The following SLC25A53 variants were observed in gnomAD, a reference collection of about 807,000 sequenced individuals.
SLC25A53 encodes the protein mitochondrial carrier triple repeat protein 6.
A neutral mutation model predicts 15.0 loss-of-function variants in SLC25A53; 5 were observed. The observed-to-expected ratio is 0.33, with a 90% confidence interval of 0.17 to 0.70. The LOEUF is 0.70. Among genes scored for constraint, SLC25A53 ranks in the 30% least tolerant of loss-of-function variants. The probability of loss-of-function intolerance (pLI) is 0.67; values close to 1 mark genes in which losing one functional copy is unlikely to be tolerated. For missense variants in SLC25A53, 216 were observed against 241.6 expected, an observed-to-expected ratio of 0.89 and a Z score of 0.70; for synonymous variants, 95 against 100.0, an observed-to-expected ratio of 0.95 and a Z score of 0.30.
intron 1 of SLC25A53, among the ~76,000 whole-genome samples, chrX:104,117,404 G>A (rs1023701557): frequency 2.2e-4 from 24 of 110,958 alleles, no homozygotes; most frequent in African/African-American, 7.6e-4. Context: ...CCCCTCCTCC[G>A]CATTCCATGA....
intron 1 of SLC25A53, among the ~76,000 whole-genome samples, chrX:104,148,931 T>C (rs1302164211): frequency 1.8e-5 from 2 of 112,812 alleles, no homozygotes. Flanking sequence ...ACACTTCTGT[T>C]AGTTTTAATC....
In SLC25A53 at chrX:104,102,289, G is replaced by A. The variant is rs1469248333; in HGVS notation, c.*2045C>T. On this transcript the variant is annotated 3_prime_UTR_variant, in exon 2 of 2. Coordinates refer to ENST00000594199, the MANE Select transcript of SLC25A53 (RefSeq NM_001012755.5). ...AGAGGAGGGCATTACTAAGATATCT[G>A]TAGGGGGAAACTATAACACATGTCA... 1.8e-5 allele frequency: 2 copies of A among 112,287 alleles called. No homozygotes were observed. Among genetic ancestry groups the A allele is most frequent in the Admixed American group, 9.4e-5 (1 of 10,601 alleles). The allele number at this position is 112,287 out of a possible 1,213,427, so 9.3% of individuals were successfully genotyped here. A position where few individuals can be genotyped will look rare whatever the true frequency, so the allele number is the denominator to read the frequency against.
chrX:104,131,882 C>G (rs1385527727), intron 1 of SLC25A53, among the ~76,000 whole-genome samples: 1 of 111,705 alleles, frequency 9.0e-6, no homozygotes, highest in African/African-American at 3.3e-5. Flanking sequence ...ACAGCCAAAG[C>G]TTAATTCGTC....
intron 1 of SLC25A53, among the ~76,000 whole-genome samples, chrX:104,153,186 C>T (rs2075490169): frequency 9.0e-6 from 1 of 110,715 alleles, no homozygotes; most frequent in Non-Finnish European, 1.9e-5. Context: ...AGAAATCCAT[C>T]GTTAGGCAAT....
At chrX:104,142,947 G>A (rs782633603) in intron 1 of SLC25A53, among the ~76,000 whole-genome samples, 1 of 108,098 alleles carries the variant, frequency 9.3e-6, no homozygotes, top group South Asian at 4.1e-4. Flanking sequence ...AAAAGAAGGC[G>A]GGTGATTTCT....
rs146319980 is a variant in SLC25A53 at position 104,104,473 on chromosome X, C to T, written c.785G>A (p.Arg262Gln). Residue 262 changes from arginine (R) to glutamine (Q), a missense_variant, in exon 2 of 2, where the codon CGG becomes CAG. Arg to Gln is a conservative substitution (Grantham distance 43). Transcript: ENST00000594199. ...GTAGATCAGGAGCAGCTTTCGGCCC[C>T]GAGTGTTCCATACATCCTGGGCAGA... ...WASAQDVWNT[R>Q]GRKLLLIYRG... The T allele has an allele frequency of 5.3e-4, 637 of 1,210,311 alleles. 1 individual carries two copies. The highest frequency in any genetic ancestry group is 5.8e-5 in the Non-Finnish European group (52 of 895,261).
At chrX:104,124,946 G>T (rs990448725) in intron 1 of SLC25A53, among the ~76,000 whole-genome samples, 1 of 100,426 alleles carries the variant, frequency 1.0e-5, no homozygotes, top group African/African-American at 3.7e-5. Flanking sequence ...GGTTTCAAGC[G>T]ATTCTCTTGC....
At chrX:104,125,256 T>C (rs782432455) in intron 1 of SLC25A53, among the ~76,000 whole-genome samples, 1 of 111,192 alleles carries the variant, frequency 9.0e-6, no homozygotes, top group Admixed American at 9.6e-5. Context: ...CACAAACATA[T>C]CTATTCTTGT....
chrX:104,111,462 T>C (rs1217280826), intron 1 of SLC25A53, among the ~76,000 whole-genome samples: 2 of 108,488 alleles, frequency 1.8e-5, no homozygotes, highest in East Asian at 5.7e-4. Flanking sequence ...GTTGCTTTTA[T>C]AAAACAGGCA....
chrX:104,104,484 T>C lies in SLC25A53; in HGVS notation c.774A>G (p.Val258=), dbSNP rs12833298. The C allele has an allele frequency of 6.6e-6, 8 of 1,212,007 alleles. No individual in the cohort carries two copies. Among genetic ancestry groups the C allele is most frequent in the Non-Finnish European group, 7.8e-6 (7 of 895,578 alleles). ...GCAGCTTTCGGCCCCGAGTGTTCCATACATCCTGGGCAGAGGCCCACAGGC... is the reference window on the plus strand; with the variant it reads ...GCAGCTTTCGGCCCCGAGTGTTCCACACATCCTGGGCAGAGGCCCACAGGC... ...MPSLWASAQD[V]WNTRGRKLLL... is the part of the protein sequence containing the mutation. The change falls in exon 2 of 2, where the codon GTA becomes GTG. Residue 258 remains valine (V), a synonymous_variant. Transcript: ENST00000594199.
chrX:104,119,616 A>T (rs1361619682), intron 1 of SLC25A53, among the ~76,000 whole-genome samples: 4 of 110,163 alleles, frequency 3.6e-5, no homozygotes, highest in Non-Finnish European at 5.7e-5. Flanking sequence ...TTTATACTTC[A>T]TTTCATTCTT....
chrX:104,123,537 ATTTGT>A (rs200149747), intron 1 of SLC25A53, among the ~76,000 whole-genome samples: 8 of 98,655 alleles, frequency 8.1e-5, no homozygotes, highest in East Asian at 3.8e-4. Context: ...TAGTTTGCTG[ATTTGT>A]TTATTTTTTT....
intron 1 of SLC25A53, among the ~76,000 whole-genome samples, chrX:104,138,871 G>C (rs1201891484): frequency 2.7e-5 from 3 of 111,635 alleles, no homozygotes; most frequent in Non-Finnish European, 5.7e-5. Flanking sequence ...CCAGCCACCT[G>C]TGTGTTCCTC....
chrX:104,127,279 C>A (rs1464571339), intron 1 of SLC25A53, among the ~76,000 whole-genome samples: 1 of 112,065 alleles, frequency 8.9e-6, no homozygotes, highest in Non-Finnish European at 1.9e-5. Context: ...ATTTATGTAA[C>A]ATTCTCGAAA....
intron 1 of SLC25A53, among the ~76,000 whole-genome samples, chrX:104,135,735 T>C (rs934445313): frequency 9.0e-6 from 1 of 111,403 alleles, no homozygotes; most frequent in Admixed American, 9.6e-5. Context: ...TCTTCACTAG[T>C]TCCCACTGCT....
intron 1 of SLC25A53, among the ~76,000 whole-genome samples, chrX:104,110,213 C>G (rs1236782100): frequency 5.4e-5 from 6 of 111,935 alleles, no homozygotes; most frequent in Middle Eastern, 4.2e-3. Flanking sequence ...CTGAACAAGA[C>G]TCTTCTGGGA....
Position 104,102,019 on chromosome X carries a change from A to C in SLC25A53, c.*2315T>G, listed in dbSNP as rs1556352819. ...CTTTCCTTATGCAGACTCTGTGTTC[A>C]TACTTCCTTGAATCCACAAGTTGAG... is the stretch of plus-strand genomic sequence containing the variant. On this transcript the variant is annotated 3_prime_UTR_variant, in exon 2 of 2. Transcript: ENST00000594199. The C allele has an allele frequency of 8.9e-6, 1 of 112,007 alleles. No homozygotes were observed. Among genetic ancestry groups the C allele is most frequent in the Admixed American group, 9.5e-5 (1 of 10,574 alleles). 9.2% of individuals were successfully genotyped at this position (112,007 alleles called of 1,213,427 possible). A position where few individuals can be genotyped will look rare whatever the true frequency, so the allele number is the denominator to read the frequency against.
chrX:104,122,223 T>C (rs2075396724), intron 1 of SLC25A53, among the ~76,000 whole-genome samples: 1 of 109,033 alleles, frequency 9.2e-6, no homozygotes, highest in Admixed American at 9.9e-5. Context: ...TTTTTATTTG[T>C]ATATGTCTTT....
chrX:104,105,053 GC>G lies in SLC25A53; in HGVS notation c.204del (p.Gln68HisfsTer160), dbSNP rs1184676532. On this transcript the variant is annotated frameshift_variant, in exon 2 of 2. Transcript: ENST00000594199. LOFTEE classifies it high-confidence loss of function. ...AAGTATTGAGGACCTTCATGCCAAA[GC>G]TGTCTCACAGCCTCTGACACTGCCA... ...HAMAVSEAVR[Q>X]LWHEGPQYFY... 31 of 1,210,675 alleles carry G rather than the reference GC, an allele frequency of 2.6e-5. No individual in the cohort carries two copies. Among genetic ancestry groups the G allele is most frequent in the Middle Eastern group, 4.6e-4 (2 of 4,375 alleles).
Sources: allele counts gnomAD v4.1 joint callset (sites outside exome capture counted in the v4.1 genomes callset), GRCh38; gene constraint gnomAD v4.1.1; transcripts MANE v1.5; gene names NCBI Gene and HGNC (gene_info 2026-07-23, HGNC 2026-07-21).